PITPNC1: variants seen among roughly 807,000 people sequenced by gnomAD.
The protein encoded by PITPNC1 is cytoplasmic phosphatidylinositol transfer protein 1.
A neutral mutation model predicts 44.7 loss-of-function variants in PITPNC1; 18 were observed. The ratio of observed to expected loss-of-function variants is 0.40; its 90% confidence interval spans 0.28 to 0.60. The LOEUF is 0.60. Among genes scored for constraint, PITPNC1 ranks in the 20% least tolerant of loss-of-function variants. The probability of loss-of-function intolerance (pLI) is 0.39; values close to 1 mark genes in which losing one functional copy is unlikely to be tolerated. For synonymous variants in PITPNC1, 141 were observed against 149.6 expected (o/e 0.94, Z 0.42); for missense variants, 290 against 418.4 (o/e 0.69, Z 2.68).
intron 1 of PITPNC1, among the ~76,000 whole-genome samples, chr17:67,432,860 T>C (rs900401867): frequency 6.6e-6 from 1 of 152,072 alleles, no homozygotes; most frequent in Non-Finnish European, 1.5e-5. Context: ...GTTTATTGAG[T>C]GATTATTATG....
In PITPNC1 at chr17:67,396,233, T is replaced by G. The variant is rs111732626; in HGVS notation, c.48+18031T>G. 5.9e-5 allele frequency among the ~76,000 whole-genome samples: 9 copies of G among 152,336 alleles called. 2 individuals are homozygous for G. The highest frequency in any genetic ancestry group is 2.2e-4 in the African/African-American group (9 of 41,568). The stretch of plus-strand genomic sequence containing the variant: ...CCTTAAGCCTTTTCAGGAAAAACAC[T>G]TTGGAAAGGTTAAGTAAATTTAAAA... On this transcript the variant is annotated intron_variant, in intron 1 of 8. Transcript: ENST00000581322.
intron 1 of PITPNC1, among the ~76,000 whole-genome samples, chr17:67,458,847 T>C (rs1179926989): frequency 6.6e-6 from 1 of 152,182 alleles, no homozygotes; most frequent in Non-Finnish European, 1.5e-5. Context: ...TTGCTTCTTC[T>C]AGAGATCTCA....
chr17:67,482,787 C>T (rs760034878), intron 1 of PITPNC1, among the ~76,000 whole-genome samples: 9 of 152,160 alleles, frequency 5.9e-5, no homozygotes, highest in Non-Finnish European at 1.2e-4. Context: ...GCAAATTGTG[C>T]TTATTCTAGG....
intron 6 of PITPNC1, among the ~76,000 whole-genome samples, chr17:67,641,196 G>A (rs1276796686): frequency 6.6e-6 from 1 of 152,006 alleles, no homozygotes; most frequent in African/African-American, 2.4e-5. Flanking sequence ...AATCTGAGCT[G>A]GGCCTTAAAA....
At chr17:67,554,856 A>G (rs1358825110) in intron 4 of PITPNC1, among the ~76,000 whole-genome samples, 2 of 152,226 alleles carry the variant, frequency 1.3e-5, no homozygotes, top group African/African-American at 4.8e-5. Flanking sequence ...CCCAACTGCC[A>G]GTTCTTGAAT....
chr17:67,582,324 T>C lies in PITPNC1; in HGVS notation c.366+4067T>C, dbSNP rs982273481. Among the ~76,000 whole-genome samples the C allele has an allele frequency of 2.6e-5, 4 of 152,326 alleles. 1 individual carries two copies. The East Asian group carries it at 7.7e-4, about 29-fold the overall frequency. On this transcript the variant is annotated intron_variant, in intron 5 of 8. Transcript: ENST00000581322. Reference sequence around the variant, plus strand: ...CTTGTCTCACCGCGTTTCCAAACTATTTAATAAACTCAGTTCATTTCTTTG... The same window carrying C: ...CTTGTCTCACCGCGTTTCCAAACTACTTAATAAACTCAGTTCATTTCTTTG...
intron 2 of PITPNC1, among the ~76,000 whole-genome samples, chr17:67,547,270 T>G (rs924000875): frequency 2.0e-5 from 3 of 152,158 alleles, no homozygotes; most frequent in Admixed American, 1.3e-4. Context: ...ATCCCAGCAT[T>G]TCAGGAGGCC....
chr17:67,515,510 A>T lies in PITPNC1; in HGVS notation c.49-17292A>T, dbSNP rs1244009894. Among the ~76,000 whole-genome samples, 3 of 152,236 alleles carry T rather than the reference A, an allele frequency of 2.0e-5. No homozygotes were observed. In the East Asian group the frequency reaches 5.8e-4, roughly 29 times the overall value. On this transcript the variant is annotated intron_variant, in intron 1 of 8. Transcript: ENST00000581322. Reference sequence around the variant, plus strand: ...CACTTCAGTGGATCACAAAACACTTAGATTCAGATAACTGGAATGGCTTAA... The same window carrying T: ...CACTTCAGTGGATCACAAAACACTTTGATTCAGATAACTGGAATGGCTTAA...
At chr17:67,651,974 A>G (rs73997210) in intron 6 of PITPNC1, among the ~76,000 whole-genome samples, 8,346 of 152,268 alleles carry the variant, frequency 0.055, 306 homozygotes, top group African/African-American at 0.091. Context: ...AAGTTCCAGG[A>G]TGGAGAGAAA....
intron 5 of PITPNC1, among the ~76,000 whole-genome samples, chr17:67,616,378 T>G (rs1598890858): frequency 6.6e-6 from 1 of 152,184 alleles, no homozygotes; most frequent in Admixed American, 6.5e-5. Context: ...TGACCTGAGG[T>G]GATCCACCAG....
At chr17:67,574,191 G>C (rs970020826) in intron 4 of PITPNC1, among the ~76,000 whole-genome samples, 2 of 152,102 alleles carry the variant, frequency 1.3e-5, no homozygotes, top group Non-Finnish European at 2.9e-5. Flanking sequence ...TCTCCACCTG[G>C]GGCAACTGGG....
At chr17:67,481,830 A>G (rs1051325787) in intron 1 of PITPNC1, among the ~76,000 whole-genome samples, 21 of 152,070 alleles carry the variant, frequency 1.4e-4, no homozygotes, top group Admixed American at 3.3e-4. Context: ...CCAGGGATTT[A>G]CAGTCTGATT....
chr17:67,487,303 T>A (rs906197521), intron 1 of PITPNC1, among the ~76,000 whole-genome samples: 1 of 152,000 alleles, frequency 6.6e-6, no homozygotes, highest in East Asian at 1.9e-4. Context: ...GCCTCCTGAT[T>A]AGCTGGGATT....
chr17:67,628,023 T>G (rs2041916836), intron 5 of PITPNC1, among the ~76,000 whole-genome samples: 1 of 148,066 alleles, frequency 6.8e-6, no homozygotes, highest in Non-Finnish European at 1.5e-5. Context: ...GCCTCCCGAG[T>G]TCAAGCGATT....
At position 67,631,657 on chromosome 17, in the gene PITPNC1, A is replaced by ATATATAT. The variant is rs10524740; in HGVS notation, c.367-486_367-485insTATATAT. Reference sequence around the variant, plus strand: ...AACCAAAAAAAAAAAAAAAAAAAAAAATATATATATATATAAAATATATAT... The same window carrying ATATATAT: ...AACCAAAAAAAAAAAAAAAAAAAAAATATATATATATATATATATATAAAATATATAT... On this transcript the variant is annotated intron_variant, in intron 5 of 8. Coordinates refer to ENST00000581322, the MANE Select transcript of PITPNC1 (RefSeq NM_012417.4). Among the ~76,000 whole-genome samples the ATATATAT allele has an allele frequency of 3.3e-3, 25 of 7,666 alleles. 1 individual carries two copies. Among genetic ancestry groups the ATATATAT allele is most frequent in the South Asian group, 7.9e-3 (1 of 126 alleles). The allele number at this position is 7,666 out of a possible 152,430, so 5.0% of individuals were successfully genotyped here.
chr17:67,385,231 G>C (rs8076195), intron 1 of PITPNC1, among the ~76,000 whole-genome samples: 86,295 of 151,906 alleles, frequency 0.57, 25,208 homozygotes, highest in Middle Eastern at 0.71. Context: ...CTAATCAGCA[G>C]GCTGCAAAAA....
intron 1 of PITPNC1, among the ~76,000 whole-genome samples, chr17:67,405,446 G>A (rs1284856803): frequency 6.6e-6 from 1 of 151,744 alleles, no homozygotes; most frequent in Non-Finnish European, 1.5e-5. Flanking sequence ...TTAATTTTGT[G>A]TTGATTGTGG....
chr17:67,634,807 T>C (rs2642059), intron 6 of PITPNC1, among the ~76,000 whole-genome samples: 105,281 of 151,962 alleles, frequency 0.69, 37,573 homozygotes, highest in Non-Finnish European at 0.79. Context: ...AATCCCAGCA[T>C]TTTGGGAGGC....
At chr17:67,643,434 A>C (rs1018792810) in intron 6 of PITPNC1, among the ~76,000 whole-genome samples, 1 of 152,154 alleles carries the variant, frequency 6.6e-6, no homozygotes, top group African/African-American at 2.4e-5. Context: ...CTATCACCCT[A>C]TATCCCAAAA....
Sources: gnomAD v4.1 joint callset for allele counts (sites outside exome capture counted in the v4.1 genomes callset) on GRCh38, gnomAD v4.1.1 for gene constraint, MANE v1.5 for transcripts, NCBI Gene and HGNC (gene_info 2026-07-23, HGNC 2026-07-21) for gene names.